Variants in PARVA observed in about 807,000 individuals in gnomAD.
The protein encoded by PARVA is alpha-parvin.
A neutral mutation model predicts 52.6 loss-of-function variants in PARVA; 25 were observed. The ratio of observed to expected loss-of-function variants is 0.48; its 90% CI spans 0.35 to 0.66. The LOEUF is 0.66. Ranked by LOEUF, PARVA falls within the 30% of genes least tolerant of loss-of-function variation. The pLI, the probability that PARVA is intolerant of heterozygous loss-of-function variation, is 0.01. For missense variants in PARVA, 373 were observed against 450.9 expected (o/e 0.83, Z 1.56); for synonymous variants, 185 against 179.1 (o/e 1.03, Z -0.26).
At chr11:12,523,309 C>G (rs900411035) in intron 12 of PARVA, among the ~76,000 whole-genome samples, 3 of 152,226 alleles carry the variant, frequency 2.0e-5, no homozygotes, top group African/African-American at 7.2e-5. Flanking sequence ...GCATAAGTAA[C>G]CACCTAGTGG....
chr11:12,379,096 C>T (rs1239225414), intron 1 of PARVA, among the ~76,000 whole-genome samples: 2 of 152,198 alleles, frequency 1.3e-5, no homozygotes, highest in Non-Finnish European at 2.9e-5. Context: ...CCGGACGTTG[C>T]CGTGGCATGT....
intron 5 of PARVA, among the ~76,000 whole-genome samples, chr11:12,503,813 T>A (rs1941392680): frequency 6.6e-6 from 1 of 152,110 alleles, no homozygotes; most frequent in African/African-American, 2.4e-5. Flanking sequence ...AGGCATGGTA[T>A]AAAGGGACAT....
chr11:12,516,764 T>G (rs1463294790), intron 10 of PARVA, among the ~76,000 whole-genome samples: 1 of 152,246 alleles, frequency 6.6e-6, no homozygotes, highest in African/African-American at 2.4e-5. Context: ...CATATTTAAC[T>G]GGCTTAGTCC....
chr11:12,459,056 T>C (rs1320245742), intron 1 of PARVA, among the ~76,000 whole-genome samples: 1 of 152,194 alleles, frequency 6.6e-6, no homozygotes, highest in African/African-American at 2.4e-5. Flanking sequence ...GTTAGGATCA[T>C]CCTGTTAGGG....
intron 1 of PARVA, among the ~76,000 whole-genome samples, chr11:12,448,237 C>T (rs141763236): frequency 6.3e-4 from 96 of 152,262 alleles, no homozygotes; most frequent in African/African-American, 2.2e-3. Context: ...AGATCTGACC[C>T]TTCTGCCAGG....
At chr11:12,434,568 A>G (rs938404768) in intron 1 of PARVA, among the ~76,000 whole-genome samples, 3 of 152,026 alleles carry the variant, frequency 2.0e-5, no homozygotes, top group Non-Finnish European at 2.9e-5. Flanking sequence ...GGATCATTCT[A>G]TGTCTGAACA....
At chr11:12,478,493 T>C (rs59679050) in intron 4 of PARVA, 114,687 of 204,252 alleles carry the variant, frequency 0.56, 33,479 homozygotes, top group East Asian at 0.78. Context: ...GGACAAATTT[T>C]AGCTTGAATG....
intron 3 of PARVA, among the ~76,000 whole-genome samples, chr11:12,476,835 G>A (rs1019911012): frequency 6.6e-6 from 1 of 152,184 alleles, no homozygotes; most frequent in Non-Finnish European, 1.5e-5. Context: ...GGATGGCAAC[G>A]CTGTCTGGCT....
At chr11:12,423,351 G>GTTTTTTTT (rs869105706) in intron 1 of PARVA, among the ~76,000 whole-genome samples, 1 of 104,716 alleles carries the variant, frequency 9.5e-6, no homozygotes, top group Non-Finnish European at 1.9e-5. Context: ...GCTAATTTTT[G>GTTTTTTTT]TTTTTTTTTT....
rs530869769 is a variant in PARVA, at chr11:12,414,141, C to T, written c.136+36358C>T. Among the ~76,000 whole-genome samples, 55 of 152,206 alleles carry T rather than the reference C, an allele frequency of 3.6e-4. 1 individual carries two copies. Among genetic ancestry groups the T allele is most frequent in the Non-Finnish European group, 1.6e-4 (11 of 68,046 alleles). ...AGAACTATTAATTATTTTTCTCTGT[C>T]AAACCTTTGTCAGCAACTTCATCCC... On this transcript the variant is annotated intron_variant, in intron 1 of 12. Coordinates refer to ENST00000334956, the MANE Select transcript of PARVA (RefSeq NM_018222.5).
At chr11:12,527,744 T>C in intron 12 of PARVA, 105 bp from the exon 13 acceptor site, 1 of 857,022 alleles carries the variant, frequency 1.2e-6, no homozygotes, top group Non-Finnish European at 2.0e-6. Flanking sequence ...CCGAACATGC[T>C]GGGTACATGG....
intron 1 of PARVA, among the ~76,000 whole-genome samples, chr11:12,409,442 G>A (rs562920627): frequency 6.6e-6 from 1 of 152,302 alleles, no homozygotes; most frequent in East Asian, 1.9e-4. Flanking sequence ...TGGAGTTAAG[G>A]TTGCTAATCA....
At chr11:12,449,094 A>G (rs1004553108) in intron 1 of PARVA, among the ~76,000 whole-genome samples, 1 of 152,032 alleles carries the variant, frequency 6.6e-6, no homozygotes, top group Non-Finnish European at 1.5e-5. Flanking sequence ...TTCAATCTCA[A>G]TAAAAAGATT....
intron 1 of PARVA, among the ~76,000 whole-genome samples, chr11:12,465,353 G>A (rs1940841516): frequency 6.6e-6 from 1 of 152,086 alleles, no homozygotes; most frequent in Non-Finnish European, 1.5e-5. Context: ...TGCAACCTGG[G>A]ACATCTTAGC....
At chr11:12,491,517 G>T (rs1025175928) in intron 4 of PARVA, among the ~76,000 whole-genome samples, 4 of 152,148 alleles carry the variant, frequency 2.6e-5, no homozygotes, top group African/African-American at 9.7e-5. Flanking sequence ...AAGAAAAAGG[G>T]TGGAAATAAT....
intron 1 of PARVA, among the ~76,000 whole-genome samples, chr11:12,456,417 A>G (rs746047112): frequency 1.3e-4 from 20 of 152,126 alleles, no homozygotes; most frequent in Admixed American, 2.0e-4. Flanking sequence ...AAACTGTATC[A>G]TCAGGGTAGT....
chr11:12,389,380 T>G (rs1188163175), intron 1 of PARVA, among the ~76,000 whole-genome samples: 6 of 152,236 alleles, frequency 3.9e-5, no homozygotes, highest in Admixed American at 6.5e-5. Context: ...CCTCTTCCCC[T>G]CTGAGCCCTC....
rs149728228 is a variant in PARVA, at chr11:12,461,327, A to G, written c.137-12418A>G. On this transcript the variant is annotated intron_variant, in intron 1 of 12. Coordinates refer to ENST00000334956, the MANE Select transcript of PARVA (RefSeq NM_018222.5). ...TAGCCAGCTTACCAGGTCAAGTTCT[A>G]TGTTCTCCCCAAGGCCGTTACAAAT... Among the ~76,000 whole-genome samples, 22 of 152,266 alleles carry G rather than the reference A, an allele frequency of 1.4e-4. No homozygotes were observed. In the East Asian group the frequency reaches 3.5e-3, roughly 24 times the overall value.
intron 1 of PARVA, among the ~76,000 whole-genome samples, chr11:12,419,480 T>G (rs1283568960): frequency 6.6e-6 from 1 of 152,256 alleles, no homozygotes; most frequent in Non-Finnish European, 1.5e-5. Flanking sequence ...TGATATTCCA[T>G]TGTATGTGTA....
Sources: gnomAD v4.1 joint callset for allele counts (sites outside exome capture counted in the v4.1 genomes callset) on GRCh38, gnomAD v4.1.1 for gene constraint, MANE v1.5 for transcripts, NCBI Gene and HGNC (gene_info 2026-07-23, HGNC 2026-07-21) for gene names.